EDIL3: variants seen among roughly 807,000 people sequenced by gnomAD.
The protein encoded by EDIL3 is EGF-like repeat and discoidin I-like domain-containing protein 3.
A neutral mutation model predicts 67.4 loss-of-function variants in EDIL3; 37 were observed. That is an observed-to-expected ratio of 0.55 (90% confidence interval 0.42 to 0.72). EDIL3 has a LOEUF of 0.72. Among genes scored for constraint, EDIL3 ranks in the 30% least tolerant of loss-of-function variants. EDIL3 has a pLI of 0.00. For missense variants in EDIL3, 527 were observed against 586.3 expected (o/e 0.90, Z 1.04); for synonymous variants, 195 against 196.3 (o/e 0.99, Z 0.05).
chr5:84,208,946 T>C (rs1019592782), intron 3 of EDIL3, among the ~76,000 whole-genome samples: 2 of 152,160 alleles, frequency 1.3e-5, no homozygotes, highest in Non-Finnish European at 2.9e-5. Context: ...TGCGGCATTA[T>C]TCACAATAGC....
At chr5:84,069,636 G>A (rs1746700837) in intron 6 of EDIL3, among the ~76,000 whole-genome samples, 1 of 151,912 alleles carries the variant, frequency 6.6e-6, no homozygotes, top group African/African-American at 2.4e-5. Flanking sequence ...CAGAAAATTT[G>A]GATTTTGAGA....
At chr5:83,950,087 C>T (rs1306750963) in intron 10 of EDIL3, among the ~76,000 whole-genome samples, 3 of 151,822 alleles carry the variant, frequency 2.0e-5, no homozygotes, top group African/African-American at 7.2e-5. Context: ...TGTCACGTAA[C>T]ATTGCTGAGA....
At chr5:84,063,535 A>C (rs1046332382) in intron 8 of EDIL3, among the ~76,000 whole-genome samples, 1 of 152,180 alleles carries the variant, frequency 6.6e-6, no homozygotes, top group Non-Finnish European at 1.5e-5. Flanking sequence ...TGTACAAATT[A>C]CTTTAATTCT....
Position 84,374,815 on chromosome 5 carries a change from A to C in EDIL3, c.67+9493T>G, listed in dbSNP as rs1288109867. Among the ~76,000 whole-genome samples, 3 of 151,946 alleles carry C rather than the reference A, an allele frequency of 2.0e-5. No individual in the cohort carries two copies. In the East Asian group the frequency reaches 5.8e-4, roughly 29 times the overall value. On this transcript the variant is annotated intron_variant, in intron 1 of 10. Coordinates refer to ENST00000296591, the MANE Select transcript of EDIL3 (RefSeq NM_005711.5). ...AGTGTTTGGAAGTTCCTCCTTCCCT[A>C]TTCCCTCTCTTGCTGCCACGTGAAG...
chr5:84,088,952 GA>G (rs2112265842), intron 6 of EDIL3, among the ~76,000 whole-genome samples: 1 of 152,276 alleles, frequency 6.6e-6, no homozygotes, highest in East Asian at 1.9e-4. Flanking sequence ...GGCATTAAAG[GA>G]GAATAAATAC....
intron 3 of EDIL3, among the ~76,000 whole-genome samples, chr5:84,196,034 C>T (rs1743696187): frequency 6.6e-6 from 1 of 152,060 alleles, no homozygotes; most frequent in Admixed American, 6.6e-5. Context: ...CTACCTGTGC[C>T]TATGCTATCC....
At chr5:84,381,669 G>C (rs889804375) in intron 1 of EDIL3, among the ~76,000 whole-genome samples, 9 of 152,142 alleles carry the variant, frequency 5.9e-5, no homozygotes, top group Admixed American at 6.5e-5. Context: ...TTTTTAGACA[G>C]TGCCATTTGC....
intron 10 of EDIL3, among the ~76,000 whole-genome samples, chr5:83,953,702 C>G: frequency 6.6e-6 from 1 of 151,756 alleles, no homozygotes; most frequent in Non-Finnish European, 1.5e-5. Flanking sequence ...AGAGGACTGC[C>G]TCTTCACACA....
chr5:84,383,640 C>G (rs1748141868), intron 1 of EDIL3, among the ~76,000 whole-genome samples: 1 of 152,138 alleles, frequency 6.6e-6, no homozygotes, highest in African/African-American at 2.4e-5. Flanking sequence ...CGCAGCTAAG[C>G]TCCAGGCCCC....
intron 1 of EDIL3, among the ~76,000 whole-genome samples, chr5:84,375,120 C>A (rs1747941297): frequency 6.6e-6 from 1 of 151,934 alleles, no homozygotes; most frequent in African/African-American, 2.4e-5. Context: ...TACAGGCACA[C>A]ACCACCACGC....
Position 84,384,327 on chromosome 5 carries a change from A to C in EDIL3, c.48T>G (p.Gly16=), listed in dbSNP as rs1416847937. 1.2e-6 allele frequency: 2 copies of C among 1,610,992 alleles called. No individual in the cohort carries two copies. Among genetic ancestry groups the C allele is most frequent in the Non-Finnish European group, 1.7e-6 (2 of 1,178,768 alleles). Residue 16 remains glycine, a synonymous_variant, in exon 1 of 11, where the codon GGT becomes GGG. Coordinates refer to ENST00000296591, the MANE Select transcript of EDIL3 (RefSeq NM_005711.5). The part of the protein sequence containing the change: ...AVWLLVGLSL[G]VPQFGKGDIC... ...CCTTACCTTTGCCGAACTGGGGGACACCGAGGCTGAGCCCGACCAAGAGCC... is the reference window on the plus strand; with the variant it reads ...CCTTACCTTTGCCGAACTGGGGGACCCCGAGGCTGAGCCCGACCAAGAGCC...
Position 84,384,484 on chromosome 5 carries a change from C to G in EDIL3, c.-110G>C, listed in dbSNP as rs2112233062. The G allele has an allele frequency of 3.0e-6, 3 of 1,016,400 alleles. No homozygotes were observed. The East Asian group carries it at 7.7e-5, about 26-fold the overall frequency. The allele number at this position is 1,016,400 out of a possible 1,614,324, so 63.0% of individuals were successfully genotyped here. ...CAGACTCCGCCCCTACTAAAGAATT[C>G]AAGAAGACGTTCTCTTTCCTCAGCG... On this transcript the variant is annotated 5_prime_UTR_variant, in exon 1 of 11. Coordinates refer to ENST00000296591, the MANE Select transcript of EDIL3 (RefSeq NM_005711.5).
intron 1 of EDIL3, among the ~76,000 whole-genome samples, chr5:84,320,138 C>T (rs1366193609): frequency 6.6e-6 from 1 of 151,978 alleles, no homozygotes; most frequent in African/African-American, 2.4e-5. Context: ...TACACCAGAA[C>T]TTAAAGTATA....
At chr5:83,983,629 AC>A (rs1745008828) in intron 9 of EDIL3, among the ~76,000 whole-genome samples, 1 of 152,042 alleles carries the variant, frequency 6.6e-6, no homozygotes, top group Non-Finnish European at 1.5e-5. Context: ...AATGAGAATG[AC>A]TTTAATGCCT....
intron 6 of EDIL3, among the ~76,000 whole-genome samples, chr5:84,072,891 G>A (rs1746766390): frequency 6.6e-6 from 1 of 152,050 alleles, no homozygotes; most frequent in Admixed American, 6.6e-5. Context: ...TAATGCTGTG[G>A]AAAGAGTAGT....
intron 4 of EDIL3, among the ~76,000 whole-genome samples, chr5:84,160,831 CCTTTCCT>C (rs1247993150): frequency 1.7e-5 from 2 of 116,432 alleles, no homozygotes; most frequent in African/African-American, 6.5e-5. Flanking sequence ...CTTTCCTTTT[CCTTTCCT>C]TTTCCTTTCC....
chr5:84,313,047 A>C (rs931754396), intron 1 of EDIL3, among the ~76,000 whole-genome samples: 1 of 152,214 alleles, frequency 6.6e-6, no homozygotes, highest in African/African-American at 2.4e-5. Flanking sequence ...TACTAATAGA[A>C]ATGGTCTGGA....
At chr5:84,339,532 A>G (rs1034101586) in intron 1 of EDIL3, among the ~76,000 whole-genome samples, 2 of 152,086 alleles carry the variant, frequency 1.3e-5, no homozygotes, top group Admixed American at 6.6e-5. Flanking sequence ...AAGTTTGTGT[A>G]AGGATATTTT....
chr5:84,338,430 G>T (rs1747032391), intron 1 of EDIL3, among the ~76,000 whole-genome samples: 1 of 152,186 alleles, frequency 6.6e-6, no homozygotes, highest in African/African-American at 2.4e-5. Context: ...GTTGTAGCCT[G>T]AGGTCAAGCC....
Sources: gnomAD v4.1 joint callset for allele counts (sites outside exome capture counted in the v4.1 genomes callset) on GRCh38, gnomAD v4.1.1 for gene constraint, MANE v1.5 for transcripts, NCBI Gene and HGNC (gene_info 2026-07-23, HGNC 2026-07-21) for gene names.